SDE2: variants seen among roughly 807,000 people sequenced by gnomAD.
SDE2 encodes the protein spliceosome associated SDE2, also known as splicing regulator SDE2.
Under a neutral mutation model 46.9 loss-of-function variants are expected in SDE2, and 31 were observed. That is an observed-to-expected ratio of 0.66 (90% CI 0.50 to 0.89). SDE2 has a LOEUF of 0.89. Among genes scored for constraint, SDE2 ranks in the 40% least tolerant of loss-of-function variants. SDE2 has a pLI of 0.00. For synonymous variants in SDE2, 205 were observed against 204.3 expected (o/e 1.00, Z -0.03); for missense variants, 542 against 564.4 (o/e 0.96, Z 0.40).
rs978809155 is a variant in SDE2, at chr1:225,986,684, T to G, written c.1135-1161A>C. On this transcript the variant is annotated intron_variant, in intron 6 of 6. Coordinates refer to ENST00000272091, the MANE Select transcript of SDE2 (RefSeq NM_152608.4). ...CTGAAAAATATCAGGTTTTATCCTA[T>G]GATTCCTTTTTTATTTTTCTAAGAC... Among the ~76,000 whole-genome samples, 67 of 152,234 alleles carry G rather than the reference T, an allele frequency of 4.4e-4. 1 individual carries two copies. Among genetic ancestry groups the G allele is most frequent in the Admixed American group, 4.4e-3 (67 of 15,286 alleles).
At position 225,985,175 on chromosome 1, in the gene SDE2, G is replaced by C. The variant is rs1248280366; in HGVS notation, c.*127C>G. The C allele has an allele frequency of 1.5e-6, 1 of 677,796 alleles. No individual in the cohort carries two copies. The highest frequency in any genetic ancestry group is 2.6e-6 in the Non-Finnish European group (1 of 390,300). 42.0% of individuals were successfully genotyped at this position (677,796 alleles called of 1,614,324 possible). On this transcript the variant is annotated 3_prime_UTR_variant, in exon 7 of 7. Coordinates refer to ENST00000272091, the MANE Select transcript of SDE2 (RefSeq NM_152608.4). ...CTACAGCCCTGACAAGGAAAAAGGG[G>C]ATAGTTAGAATTGGGTTACTAAAAA...
chr1:225,991,436 T>C (rs1336842417), intron 4 of SDE2, 73 bp from the exon 5 acceptor site: 1 of 1,252,166 alleles, frequency 8.0e-7, no homozygotes, highest in Non-Finnish European at 1.1e-6. Flanking sequence ...TAACATGGAT[T>C]GCAAAAAGAG....
chr1:225,998,940 T>C (rs1656592786), intron 1 of SDE2, among the ~76,000 whole-genome samples: 1 of 151,986 alleles, frequency 6.6e-6, no homozygotes, highest in South Asian at 2.1e-4. Flanking sequence ...TATTTGTAAC[T>C]GTGAGCGGGA....
chr1:225,994,797 A>C (rs1010625218), intron 2 of SDE2, among the ~76,000 whole-genome samples: 1 of 152,234 alleles, frequency 6.6e-6, no homozygotes, highest in African/African-American at 2.4e-5. Flanking sequence ...CCAGCTGAAC[A>C]AAGTGGGAAT....
At chr1:225,995,451 CCTAG>C (rs1293685273) in intron 1 of SDE2, 68 bp from the exon 2 acceptor site, 8 of 805,936 alleles carry the variant, frequency 9.9e-6, no homozygotes, top group Non-Finnish European at 1.5e-5. Context: ...CAAGAAGGGA[CCTAG>C]CTGTCTTTTT....
rs770085902 is a variant in SDE2, at chr1:225,999,189, T to G, written c.120+4A>C. 66 of 1,609,156 alleles carry G rather than the reference T, an allele frequency of 4.1e-5. No homozygotes were observed. The highest frequency in any genetic ancestry group is 8.5e-7 in the Non-Finnish European group (1 of 1,176,486). ...TCCTTCCTAACAGGAACCGAAATCCTCACCTGATCTTGGCAGTGCCGGTGG... is the reference window on the plus strand; with the variant it reads ...TCCTTCCTAACAGGAACCGAAATCCGCACCTGATCTTGGCAGTGCCGGTGG... On this transcript the variant is annotated splice_donor_region_variant and intron_variant, in intron 1 of 6. Coordinates refer to ENST00000272091, the MANE Select transcript of SDE2 (RefSeq NM_152608.4).
intron 5 of SDE2, among the ~76,000 whole-genome samples, chr1:225,990,785 A>G (rs1407097790): frequency 2.6e-5 from 4 of 152,230 alleles, no homozygotes; most frequent in Admixed American, 2.6e-4. Context: ...TAGAGGGACA[A>G]GAGAACTATC....
intron 4 of SDE2, among the ~76,000 whole-genome samples, chr1:225,991,806 TGGC>T (rs1269389091): frequency 2.0e-5 from 3 of 152,250 alleles, no homozygotes. Context: ...GACTTAAAAC[TGGC>T]AGCAAATTCT....
intron 1 of SDE2, among the ~76,000 whole-genome samples, chr1:225,996,895 G>T (rs1656539385): frequency 1.3e-5 from 2 of 152,228 alleles, no homozygotes; most frequent in Admixed American, 1.3e-4. Context: ...GATAAATGTG[G>T]AAAGTTGTGT....
chr1:225,994,564 T>C (rs1656478078), intron 2 of SDE2, among the ~76,000 whole-genome samples: 1 of 152,228 alleles, frequency 6.6e-6, no homozygotes, highest in Admixed American at 6.5e-5. Context: ...GTAGTTGTGT[T>C]AAACAAACAA....
At chr1:225,992,236 T>G (rs1656418564) in intron 4 of SDE2, among the ~76,000 whole-genome samples, 162 bp downstream of exon 4, 1 of 152,136 alleles carries the variant, frequency 6.6e-6, no homozygotes, top group South Asian at 2.1e-4. Context: ...AAAAATACTG[T>G]GTTCATTTTT....
intron 1 of SDE2, among the ~76,000 whole-genome samples, chr1:225,997,083 T>TG (rs1340525303): frequency 6.6e-6 from 1 of 152,206 alleles, no homozygotes; most frequent in African/African-American, 2.4e-5. Context: ...CAGACCTTCG[T>TG]GGGGGTCGTT....
rs370685626 is a variant in SDE2 at position 225,985,664 on chromosome 1, CAT to C, written c.1135-143_1135-142del. On this transcript the variant is annotated intron_variant, in intron 6 of 6. Transcript: ENST00000272091. ...CTGAATTTTAATCATCATCCATCCA[CAT>C]GTTATTCCATAAGTATTCTCAACAC... 455 of 621,898 alleles carry C rather than the reference CAT, an allele frequency of 7.3e-4. 3 individuals are homozygous for C. Among genetic ancestry groups the C allele is most frequent in the East Asian group, 7.2e-3 (263 of 36,700 alleles). 38.5% of individuals were successfully genotyped at this position (621,898 alleles called of 1,614,324 possible).
Position 225,987,882 on chromosome 1 carries a change from CA to C in SDE2, c.1134+13del. On this transcript the variant is annotated intron_variant, in intron 6 of 6. Coordinates refer to ENST00000272091, the MANE Select transcript of SDE2 (RefSeq NM_152608.4). ...CTGATTTGGCTCTAGGTATCAACCC[CA>C]AAACATACTTACTGCGTTTCCTGGC... The C allele has an allele frequency of 1.9e-6, 3 of 1,603,504 alleles. No individual in the cohort carries two copies. Among genetic ancestry groups the C allele is most frequent in the Non-Finnish European group, 1.7e-6 (2 of 1,175,904 alleles).
At position 225,992,381 on chromosome 1, in the gene SDE2, G is replaced by A; in HGVS notation, c.520+17C>T. Reference sequence around the variant, plus strand: ...CAGGGGTGCCAGCTGAACACACTAAGGAATCCTCATTCTCACCTTTGAGGA... The same window carrying A: ...CAGGGGTGCCAGCTGAACACACTAAAGAATCCTCATTCTCACCTTTGAGGA... On this transcript the variant is annotated intron_variant, in intron 4 of 6. Coordinates refer to ENST00000272091, the MANE Select transcript of SDE2 (RefSeq NM_152608.4). 6.2e-7 allele frequency: 1 copy of A among 1,607,914 alleles called. No homozygotes were observed. The highest frequency in any genetic ancestry group is 1.3e-5 in the African/African-American group (1 of 74,962).
rs1232778385 is a variant in SDE2, at chr1:225,995,321, T to C, written c.183A>G (p.Thr61=). The C allele has an allele frequency of 8.1e-6, 13 of 1,613,282 alleles. No homozygotes were observed. In the East Asian group the frequency reaches 2.9e-4, roughly 36 times the overall value. Reference sequence around the variant, plus strand: ...AACTATAAACAGCTCCATGCTGCACTGTGTCACTGGTGTTAATGAGTGCTC... The same window carrying C: ...AACTATAAACAGCTCCATGCTGCACCGTGTCACTGGTGTTAATGAGTGCTC... ...CNGALINTSD[T]VQHGAVYSLE... is the part of the protein sequence containing the mutation. Residue 61 remains threonine, a synonymous_variant, in exon 2 of 7, where the codon ACA becomes ACG. Coordinates refer to ENST00000272091, the MANE Select transcript of SDE2 (RefSeq NM_152608.4).
intron 2 of SDE2, among the ~76,000 whole-genome samples, chr1:225,993,627 A>C (rs1266763890): frequency 5.3e-5 from 8 of 151,858 alleles, no homozygotes; most frequent in East Asian, 3.8e-4. Context: ...AAAAAAAAAG[A>C]AGCTTTACAC....
intron 6 of SDE2, among the ~76,000 whole-genome samples, chr1:225,986,100 A>C (rs951764013): frequency 3.3e-5 from 5 of 152,146 alleles, no homozygotes; most frequent in Non-Finnish European, 7.4e-5. Flanking sequence ...AGGTGGAGGC[A>C]GGCGGAACAC....
rs763444772 is a variant in SDE2, at chr1:225,988,406, A to G, written c.642-18T>C. 8 of 1,612,620 alleles carry G rather than the reference A, an allele frequency of 5.0e-6. No individual in the cohort carries two copies. In the East Asian group the frequency reaches 1.8e-4, roughly 36 times the overall value. ...TGCCCAACCTGTCAGAAGCAACAGA[A>G]AGGTTTAACAGCGTTTGTAGCTTCT... On this transcript the variant is annotated intron_variant, in intron 5 of 6. Coordinates refer to ENST00000272091, the MANE Select transcript of SDE2 (RefSeq NM_152608.4).
Sources: gnomAD v4.1 joint callset for allele counts (sites outside exome capture counted in the v4.1 genomes callset) on GRCh38, gnomAD v4.1.1 for gene constraint, MANE v1.5 for transcripts, NCBI Gene and HGNC (gene_info 2026-07-23, HGNC 2026-07-21) for gene names.